The following C1orf87 variants were observed in gnomAD, a reference collection of about 807,000 sequenced individuals.
The protein encoded by C1orf87 is uncharacterized protein C1orf87.
Under a neutral mutation model 60.5 loss-of-function variants are expected in C1orf87, and 58 were observed. The ratio of observed to expected loss-of-function variants is 0.96; its 90% CI spans 0.78 to 1.19. The LOEUF is 1.19. Among genes scored for constraint, C1orf87 ranks in the 50% most tolerant of loss-of-function variants. C1orf87 has a pLI of 0.00. For missense variants in C1orf87, 673 were observed against 638.6 expected, an observed-to-expected ratio of 1.05 and a Z score of -0.58; for synonymous variants, 236 against 227.4, an observed-to-expected ratio of 1.04 and a Z score of -0.34.
Position 60,025,516 on chromosome 1 carries a change from AT to A in C1orf87, c.1030-19del. 3 of 1,546,648 alleles carry A rather than the reference AT, an allele frequency of 1.9e-6. No homozygotes were observed. The highest frequency in any genetic ancestry group is 4.5e-5 in the East Asian group (2 of 44,158). On this transcript the variant is annotated intron_variant, in intron 7 of 11. Transcript: ENST00000371201. ...GCCCTGACCTACAAGTTAAAAAAAA[AT>A]AAAAAAGATTTGATGTTTCACTAGG...
At chr1:60,064,827 ATT>A (rs2100331465) in intron 2 of C1orf87, among the ~76,000 whole-genome samples, 1 of 93,372 alleles carries the variant, frequency 1.1e-5, no homozygotes, top group Admixed American at 1.8e-4. Context: ...ATAAATATAT[ATT>A]AAATATATAA....
At chr1:60,006,411 A>T (rs1375683721) in intron 9 of C1orf87, among the ~76,000 whole-genome samples, 1 of 152,114 alleles carries the variant, frequency 6.6e-6, no homozygotes, top group Non-Finnish European at 1.5e-5. Context: ...AGTTCTAATT[A>T]GTAACTAGTA....
rs1644914607 is a variant in C1orf87 at position 59,990,686 on chromosome 1, A to T, written c.1628T>A (p.Leu543Ter). The change falls in exon 12 of 12, where the codon TTA becomes TAA. Residue 543 changes from leucine (L) to a stop codon, truncating the protein, a stop_gained. Coordinates refer to ENST00000371201, the MANE Select transcript of C1orf87 (RefSeq NM_152377.3). LOFTEE classifies it high-confidence loss of function. Reference sequence around the variant, plus strand: ...ATGGGCTTGTTATCATAGCTCCTTTAAGTACCGCAGTGCTGGCTCCAAGAG... The same window carrying T: ...ATGGGCTTGTTATCATAGCTCCTTTTAGTACCGCAGTGCTGGCTCCAAGAG... ...NMLLEPALRY[L>*]KEL 1 of 1,613,926 alleles carries T rather than the reference A, an allele frequency of 6.2e-7. No individual in the cohort carries two copies. Among genetic ancestry groups the T allele is most frequent in the South Asian group, 1.1e-5 (1 of 91,068 alleles).
intron 3 of C1orf87, 112 bp downstream of exon 3, chr1:60,055,092 G>A (rs536823357): frequency 3.0e-6 from 3 of 996,180 alleles, no homozygotes; most frequent in Admixed American, 4.4e-5. Context: ...TCTATCTCAT[G>A]CAAAATATAT....
chr1:60,049,201 C>T (rs1016909544), intron 3 of C1orf87, among the ~76,000 whole-genome samples: 1 of 151,942 alleles, frequency 6.6e-6, no homozygotes, highest in African/African-American at 2.4e-5. Context: ...TTTTTTCTAT[C>T]ATTGTAGCAG....
intron 11 of C1orf87, among the ~76,000 whole-genome samples, chr1:59,994,475 G>T (rs1220507585): frequency 6.6e-6 from 1 of 152,140 alleles, no homozygotes; most frequent in Non-Finnish European, 1.5e-5. Context: ...TAGTGATGTA[G>T]TATATGTAAA....
rs780695243 is a variant in C1orf87, at chr1:60,072,557, G to A, written c.87C>T (p.Tyr29=). ...VKIIGSKHFQ[Y]LVEKPKIKEN... is the part of the protein sequence containing the mutation. Reference sequence around the variant, plus strand: ...CTTACATCTTTGGCTTCTCCACGAGGTATTGAAAGTGTTTACTTCCAATGA... The same window carrying A: ...CTTACATCTTTGGCTTCTCCACGAGATATTGAAAGTGTTTACTTCCAATGA... Residue 29 remains tyrosine, a synonymous_variant, in exon 2 of 12, where the codon TAC becomes TAT. Coordinates refer to ENST00000371201, the MANE Select transcript of C1orf87 (RefSeq NM_152377.3). The A allele has an allele frequency of 1.1e-5, 17 of 1,611,346 alleles. 1 individual carries two copies. The Admixed American group carries it at 1.8e-4, about 17-fold the overall frequency.
intron 8 of C1orf87, among the ~76,000 whole-genome samples, chr1:60,017,531 G>A (rs923999911): frequency 6.6e-6 from 1 of 152,144 alleles, no homozygotes; most frequent in African/African-American, 2.4e-5. Context: ...TGGCTTGTGT[G>A]CATGTGTTTT....
At chr1:59,993,638 T>C (rs1175223827) in intron 11 of C1orf87, among the ~76,000 whole-genome samples, 1 of 152,140 alleles carries the variant, frequency 6.6e-6, no homozygotes, top group Non-Finnish European at 1.5e-5. Context: ...TCTGTCTAAT[T>C]TACTCTGTCA....
At chr1:60,025,330 A>C in intron 8 of C1orf87, 71 bp downstream of exon 8, 1 of 1,229,974 alleles carries the variant, frequency 8.1e-7, no homozygotes, top group Non-Finnish European at 1.2e-6. Context: ...TTTGAAGTTA[A>C]AGCTTCACCA....
At chr1:60,008,187 A>T (rs1489870117) in intron 9 of C1orf87, among the ~76,000 whole-genome samples, 1 of 152,084 alleles carries the variant, frequency 6.6e-6, no homozygotes, top group Non-Finnish European at 1.5e-5. Context: ...CACGTTGCCT[A>T]TAAAAATTAG....
At chr1:60,008,346 G>T (rs1557459010) in intron 9 of C1orf87, among the ~76,000 whole-genome samples, 1 of 151,966 alleles carries the variant, frequency 6.6e-6, no homozygotes, top group Non-Finnish European at 1.5e-5. Flanking sequence ...ATATAAGTTA[G>T]TTATTTAGTT....
At chr1:60,068,916 G>T (rs764253936) in intron 2 of C1orf87, among the ~76,000 whole-genome samples, 1 of 152,094 alleles carries the variant, frequency 6.6e-6, no homozygotes, top group Non-Finnish European at 1.5e-5. Context: ...TATTTTAACA[G>T]CATGGGCCTT....
chr1:60,040,592 T>C (rs1214645993), intron 4 of C1orf87, among the ~76,000 whole-genome samples: 1 of 152,094 alleles, frequency 6.6e-6, no homozygotes, highest in Non-Finnish European at 1.5e-5. Flanking sequence ...ATAATGGCCC[T>C]TCCTGAGCTC....
rs1029553415 is a variant in C1orf87 at position 60,056,192 on chromosome 1, C to T, written c.108-754G>A. 2.6e-5 allele frequency among the ~76,000 whole-genome samples: 4 copies of T among 151,936 alleles called. 1 individual carries two copies. The East Asian group carries it at 5.8e-4, about 22-fold the overall frequency. ...CCAGGAGGTGGAGGTTGCAGTGAGC[C>T]GAGATCGCACCACTAGACTCCAGCC... On this transcript the variant is annotated intron_variant, in intron 2 of 11. Coordinates refer to ENST00000371201, the MANE Select transcript of C1orf87 (RefSeq NM_152377.3).
chr1:60,004,349 A>T (rs1645027827), intron 9 of C1orf87, among the ~76,000 whole-genome samples: 1 of 152,068 alleles, frequency 6.6e-6, no homozygotes, highest in South Asian at 2.1e-4. Context: ...AGGTATTATT[A>T]TCTGTTGTTG....
At chr1:60,040,970 A>T (rs1645319793) in intron 4 of C1orf87, 21 bp downstream of exon 4, 1 of 1,575,474 alleles carries the variant, frequency 6.3e-7, no homozygotes, top group African/African-American at 1.4e-5. Context: ...GACACAACTC[A>T]ACAACTCTTA....
intron 8 of C1orf87, among the ~76,000 whole-genome samples, chr1:60,013,061 G>A (rs1288269342): frequency 6.6e-6 from 1 of 151,976 alleles, no homozygotes; most frequent in Non-Finnish European, 1.5e-5. Context: ...CTGGATCCCT[G>A]AATAATTGCC....
chr1:60,017,892 A>G (rs1272677039), intron 8 of C1orf87, among the ~76,000 whole-genome samples: 1 of 152,240 alleles, frequency 6.6e-6, no homozygotes, highest in Admixed American at 6.5e-5. Context: ...ACTTTGTAAC[A>G]GGGTTTGTGA....
Sources: gnomAD v4.1 joint callset for allele counts (sites outside exome capture counted in the v4.1 genomes callset) on GRCh38, gnomAD v4.1.1 for gene constraint, MANE v1.5 for transcripts, NCBI Gene and HGNC (gene_info 2026-07-23, HGNC 2026-07-21) for gene names.